The following LMX1B variants were observed in gnomAD, a reference collection of about 807,000 sequenced individuals.
The protein encoded by LMX1B is LIM homeobox transcription factor 1 beta, also known as LIM homeobox transcription factor 1-beta.
Under a neutral mutation model 51.4 loss-of-function variants are expected in LMX1B, and 12 were observed. The observed-to-expected ratio is 0.23, with a 90% CI of 0.15 to 0.38. The LOEUF (loss-of-function observed/expected upper bound fraction) is 0.38, where lower values mean the gene tolerates loss of function less well. LMX1B is among the 10% of genes least tolerant of loss of function. The pLI is 1.00. For synonymous variants in LMX1B, 237 were observed against 235.4 expected (o/e 1.01, Z -0.06); for missense variants, 445 against 571.1 (o/e 0.78, Z 2.25).
At position 126,651,893 on chromosome 9, in the gene LMX1B, T is replaced by C. The variant is rs1018596589; in HGVS notation, c.326+36324T>C. ...AGTAGGACCCTACAAGCCAGGGGCC[T>C]AGGTGGAGGATCCCACAATCTAGTT... On this transcript the variant is annotated intron_variant, in intron 2 of 7. Coordinates refer to ENST00000373474, the MANE Select transcript of LMX1B (RefSeq NM_001174147.2). Among the ~76,000 whole-genome samples, 10 of 152,170 alleles carry C rather than the reference T, an allele frequency of 6.6e-5. No individual in the cohort carries two copies. In the East Asian group the frequency reaches 7.7e-4, roughly 12 times the overall value.
Position 126,698,727 on chromosome 9 carries a change from C to T in LMX1B, c.*2276C>T, listed in dbSNP as rs1160566626. ...GTAAGGATAATGAATGTCCCTTTTCCACCTTTGGGGCCCTCTGCCTGGATC... is the reference window on the plus strand; with the variant it reads ...GTAAGGATAATGAATGTCCCTTTTCTACCTTTGGGGCCCTCTGCCTGGATC... On this transcript the variant is annotated 3_prime_UTR_variant, in exon 8 of 8. Coordinates refer to ENST00000373474, the MANE Select transcript of LMX1B (RefSeq NM_001174147.2). 2.0e-5 allele frequency: 3 copies of T among 152,430 alleles called. No individual in the cohort carries two copies. The highest frequency in any genetic ancestry group is 2.1e-4 in the South Asian group (1 of 4,832). 9.4% of individuals were successfully genotyped at this position (152,430 alleles called of 1,614,324 possible).
intron 2 of LMX1B, among the ~76,000 whole-genome samples, chr9:126,680,910 T>C (rs1459512520): frequency 6.6e-6 from 1 of 151,580 alleles, no homozygotes; most frequent in Non-Finnish European, 1.5e-5. Context: ...TGGACTAGAG[T>C]CCCAAGTTCA....
intron 5 of LMX1B, 48 bp from the exon 6 acceptor site, chr9:126,693,698 G>A: frequency 6.3e-7 from 1 of 1,580,754 alleles, no homozygotes; most frequent in Non-Finnish European, 8.6e-7. Context: ...GGCTGGCTGT[G>A]CCTGGGGGCG....
At position 126,615,674 on chromosome 9, in the gene LMX1B, G is replaced by C; in HGVS notation, c.326+105G>C. The C allele has an allele frequency of 9.6e-7, 1 of 1,041,104 alleles. No homozygotes were observed. Among genetic ancestry groups the C allele is most frequent in the Non-Finnish European group, 1.3e-6 (1 of 747,742 alleles). 64.5% of individuals were successfully genotyped at this position (1,041,104 alleles called of 1,614,324 possible). A position where few individuals can be genotyped will look rare whatever the true frequency, so the allele number is the denominator to read the frequency against. ...CCGCTCTGCCGCCGGCTCTGTGCGC[G>C]GCTGGGCCGGGCAGCTCCAAGGGTT... is the stretch of plus-strand genomic sequence containing the variant. On this transcript the variant is annotated intron_variant, in intron 2 of 7. Coordinates refer to ENST00000373474, the MANE Select transcript of LMX1B (RefSeq NM_001174147.2). This position sits in a 1 kb window ranked among gnomAD's most constrained non-coding sequence, Gnocchi z 6.0.
chr9:126,696,096 C>T (rs2030321497), intron 7 of LMX1B, 93 bp downstream of exon 7: 2 of 1,301,178 alleles, frequency 1.5e-6, no homozygotes, highest in Non-Finnish European at 2.1e-6. Flanking sequence ...CACCTGCTGC[C>T]CTAGGGCTCA....
intron 2 of LMX1B, among the ~76,000 whole-genome samples, chr9:126,654,886 C>T (rs772239084): frequency 1.3e-5 from 2 of 152,206 alleles, no homozygotes; most frequent in African/African-American, 2.4e-5. Flanking sequence ...TTCTGGAACT[C>T]TCCCCTTCTC....
chr9:126,652,404 C>A (rs145708494), intron 2 of LMX1B, among the ~76,000 whole-genome samples: 2 of 152,176 alleles, frequency 1.3e-5, no homozygotes. Flanking sequence ...TTGTTTGGAA[C>A]GATAACTGCA....
chr9:126,669,605 T>A (rs747150013), intron 2 of LMX1B, among the ~76,000 whole-genome samples: 5 of 152,172 alleles, frequency 3.3e-5, no homozygotes, highest in Non-Finnish European at 5.9e-5. Flanking sequence ...ATACCTGGGC[T>A]TTTGTGCTCC....
In LMX1B at chr9:126,697,976, A is replaced by T. The variant is rs2030406243; in HGVS notation, c.*1525A>T. The T allele has an allele frequency of 6.5e-6, 1 of 153,246 alleles. No individual in the cohort carries two copies. Among genetic ancestry groups the T allele is most frequent in the South Asian group, 2.1e-4 (1 of 4,878 alleles). The allele number at this position is 153,246 out of a possible 1,614,324, so 9.5% of individuals were successfully genotyped here. On this transcript the variant is annotated 3_prime_UTR_variant, in exon 8 of 8. Transcript: ENST00000373474. The stretch of plus-strand genomic sequence containing the variant: ...CCACAACCTCCGCCTCCCAGGTTCA[A>T]GTGATTCTGATGCCTCAGCCTCCCT...
At chr9:126,617,865 C>G (rs900545539) in intron 2 of LMX1B, among the ~76,000 whole-genome samples, 1 of 129,978 alleles carries the variant, frequency 7.7e-6, no homozygotes, top group Non-Finnish European at 1.5e-5. Context: ...TCCAATAACG[C>G]CAATTAGGTA....
rs2030397806 is a variant in LMX1B at position 126,697,840 on chromosome 9, TTTTGTTTTG to T, written c.*1393_*1401del. On this transcript the variant is annotated 3_prime_UTR_variant, in exon 8 of 8. Transcript: ENST00000373474. ...ATATGCAGGATGGGGGCACCTACTGTTTTGTTTTGTTTTGTTTTGTTTTGTTTTGTTTTG... is the reference window on the plus strand; with the variant it reads ...ATATGCAGGATGGGGGCACCTACTGTTTTTGTTTTGTTTTGTTTTGTTTTG... 2.0e-5 allele frequency: 1 copy of T among 51,194 alleles called. No homozygotes were observed. The highest frequency in any genetic ancestry group is 9.4e-5 in the African/African-American group (1 of 10,672). The allele number at this position is 51,194 out of a possible 1,614,324, so 3.2% of individuals were successfully genotyped here. A position where few individuals can be genotyped will look rare whatever the true frequency, so the allele number is the denominator to read the frequency against.
chr9:126,663,019 G>A (rs1238773202), intron 2 of LMX1B, among the ~76,000 whole-genome samples: 2 of 152,228 alleles, frequency 1.3e-5, no homozygotes, highest in East Asian at 3.9e-4. Context: ...AGAGGAGCTT[G>A]GACCTGGGAG....
chr9:126,699,232 A>G lies in LMX1B; in HGVS notation c.*2781A>G, dbSNP rs1380123721. 2 of 152,286 alleles carry G rather than the reference A, an allele frequency of 1.3e-5. No homozygotes were observed. Among genetic ancestry groups the G allele is most frequent in the Non-Finnish European group, 2.9e-5 (2 of 68,104 alleles). The allele number at this position is 152,286 out of a possible 1,614,324, so 9.4% of individuals were successfully genotyped here. Reference sequence around the variant, plus strand: ...AAACCCTGAGGCAAGAGAGGGAAAGAGGCCTGTCCAAGGTCCGGGTTAGTG... The same window carrying G: ...AAACCCTGAGGCAAGAGAGGGAAAGGGGCCTGTCCAAGGTCCGGGTTAGTG... On this transcript the variant is annotated 3_prime_UTR_variant, in exon 8 of 8. Transcript: ENST00000373474.
At chr9:126,647,716 G>T (rs1310915407) in intron 2 of LMX1B, among the ~76,000 whole-genome samples, 2 of 152,254 alleles carry the variant, frequency 1.3e-5, no homozygotes, top group Non-Finnish European at 2.9e-5. Flanking sequence ...GCACAGGGCA[G>T]TGTGGAGCCC....
chr9:126,663,339 C>A (rs1484814793), intron 2 of LMX1B, among the ~76,000 whole-genome samples: 1 of 151,138 alleles, frequency 6.6e-6, no homozygotes, highest in African/African-American at 2.4e-5. Flanking sequence ...GCAGGAGAAT[C>A]ACTTAACCCG....
At chr9:126,680,074 G>A (rs1002072082) in intron 2 of LMX1B, among the ~76,000 whole-genome samples, 2 of 152,204 alleles carry the variant, frequency 1.3e-5, no homozygotes, top group Non-Finnish European at 2.9e-5. Flanking sequence ...TCTGCCTCCC[G>A]TGGCCCGGGG....
At chr9:126,621,280 G>A (rs922597632) in intron 2 of LMX1B, among the ~76,000 whole-genome samples, 3 of 152,246 alleles carry the variant, frequency 2.0e-5, no homozygotes, top group African/African-American at 4.8e-5. Context: ...CCGCGTGTGA[G>A]CTGTCAGTCA....
intron 2 of LMX1B, among the ~76,000 whole-genome samples, chr9:126,622,935 G>A (rs1022532581): frequency 1.3e-5 from 2 of 152,252 alleles, no homozygotes; most frequent in East Asian, 3.8e-4. Context: ...TGAAAAGGGG[G>A]TAGTAATTCC....
chr9:126,643,063 A>T (rs1349860351), intron 2 of LMX1B, among the ~76,000 whole-genome samples: 1 of 152,232 alleles, frequency 6.6e-6, no homozygotes, highest in Non-Finnish European at 1.5e-5. Flanking sequence ...GCAGGGGCAC[A>T]GCTTGCTGGT....
Sources: allele counts gnomAD v4.1 joint callset (sites outside exome capture counted in the v4.1 genomes callset), GRCh38; gene constraint gnomAD v4.1.1; non-coding constraint Gnocchi (gnomAD v3.1); transcripts MANE v1.5; gene names NCBI Gene and HGNC (gene_info 2026-07-23, HGNC 2026-07-21).